The following PTPRG variants were observed in gnomAD, a reference collection of about 807,000 sequenced individuals.
PTPRG encodes the protein receptor-type tyrosine-protein phosphatase gamma.
Under a neutral mutation model 165.3 loss-of-function variants are expected in PTPRG, and 102 were observed. The observed-to-expected ratio is 0.62, with a 90% confidence interval of 0.53 to 0.73. PTPRG has a LOEUF of 0.73. Among genes scored for constraint, PTPRG ranks in the 30% least tolerant of loss-of-function variants. The pLI, the probability that PTPRG is intolerant of heterozygous loss-of-function variation, is 0.00. For synonymous variants in PTPRG, 675 were observed against 669.5 expected (o/e 1.01, Z -0.13); for missense variants, 1,866 against 1,861.4 (o/e 1.00, Z -0.05).
intron 5 of PTPRG, among the ~76,000 whole-genome samples, chr3:62,113,197 C>A (rs1702731399): frequency 6.6e-6 from 1 of 152,108 alleles, no homozygotes; most frequent in Non-Finnish European, 1.5e-5. Context: ...CCATCCAGCT[C>A]CACATGGGAG....
In PTPRG at chr3:61,704,829, G is replaced by A. The variant is rs943112790; in HGVS notation, c.86-44049G>A. The stretch of plus-strand genomic sequence containing the variant: ...ATACTTTCTGAGATGAACTGCATTT[G>A]TTCAGATAGGATTAATAGCCACCAC... On this transcript the variant is annotated intron_variant, in intron 1 of 29. Transcript: ENST00000474889. Among the ~76,000 whole-genome samples, 7 of 152,336 alleles carry A rather than the reference G, an allele frequency of 4.6e-5. 1 individual carries two copies. The South Asian group carries it at 1.5e-3, about 32-fold the overall frequency.
chr3:61,946,424 C>CT (rs1420204382), intron 2 of PTPRG, among the ~76,000 whole-genome samples: 1 of 152,218 alleles, frequency 6.6e-6, no homozygotes, highest in Non-Finnish European at 1.5e-5. Flanking sequence ...TTAGAAATGA[C>CT]TTCATAAAGA....
intron 1 of PTPRG, among the ~76,000 whole-genome samples, chr3:61,681,724 A>G (rs1404610210): frequency 6.6e-6 from 1 of 152,210 alleles, no homozygotes; most frequent in Non-Finnish European, 1.5e-5. Context: ...AGCACCAAAT[A>G]AACAGTAGCC....
At chr3:62,089,670 T>C (rs1701866718) in intron 5 of PTPRG, among the ~76,000 whole-genome samples, 1 of 152,226 alleles carries the variant, frequency 6.6e-6, no homozygotes, top group African/African-American at 2.4e-5. Context: ...GCTATGAGCA[T>C]AGCTGTGCAT....
At chr3:62,193,640 C>T (rs567991728) in intron 9 of PTPRG, among the ~76,000 whole-genome samples, 8 of 152,300 alleles carry the variant, frequency 5.3e-5, no homozygotes, top group East Asian at 3.9e-4. Flanking sequence ...TGTTATTGCC[C>T]GCCTTTTCCA....
chr3:61,897,418 G>C (rs1229631055), intron 2 of PTPRG, among the ~76,000 whole-genome samples: 3 of 151,934 alleles, frequency 2.0e-5, no homozygotes, highest in Non-Finnish European at 4.4e-5. Context: ...GTCTATTTCT[G>C]GGTTCTCTCT....
At chr3:62,044,634 C>T (rs575520821) in intron 4 of PTPRG, among the ~76,000 whole-genome samples, 2 of 152,170 alleles carry the variant, frequency 1.3e-5, no homozygotes, top group Admixed American at 6.5e-5. Context: ...TTAATACACA[C>T]AGTAACTACT....
chr3:61,742,960 G>A (rs3817453), intron 1 of PTPRG: 1,123,498 of 1,481,960 alleles, frequency 0.76, 427,261 homozygotes, highest in Middle Eastern at 0.79. Context: ...GACGGTGCCC[G>A]AGAAGCACTT....
chr3:61,794,577 G>A (rs1032536147), intron 2 of PTPRG, among the ~76,000 whole-genome samples: 2 of 152,152 alleles, frequency 1.3e-5, no homozygotes, highest in Admixed American at 1.3e-4. Flanking sequence ...AATATAAGAC[G>A]TCAGTGATAG....
intron 2 of PTPRG, among the ~76,000 whole-genome samples, chr3:61,869,747 TTTTTGTTTTG>T (rs552364668): frequency 2.0e-3 from 296 of 151,292 alleles, no homozygotes; most frequent in South Asian, 8.6e-3. Flanking sequence ...CCTGGCTAAT[TTTTTGTTTTG>T]TTTTGTTTTG....
intron 1 of PTPRG, among the ~76,000 whole-genome samples, chr3:61,582,079 C>T (rs1376265835): frequency 1.3e-5 from 2 of 152,176 alleles, no homozygotes; most frequent in Middle Eastern, 3.4e-3. Context: ...GCCATCCTCC[C>T]ATCTCAGCCT....
At position 62,003,449 on chromosome 3, in the gene PTPRG, C is replaced by G; in HGVS notation, c.471C>G (p.Gly157=). 6.2e-7 allele frequency: 1 copy of G among 1,614,006 alleles called. No homozygotes were observed. Among genetic ancestry groups the G allele is most frequent in the Non-Finnish European group, 8.5e-7 (1 of 1,179,950 alleles). Reference sequence around the variant, plus strand: ...AATTTCACTGGGGCCACAGCAATGGCTCAGCGGGCTCTGAACACAGCATCA... The same window carrying G: ...AATTTCACTGGGGCCACAGCAATGGGTCAGCGGGCTCTGAACACAGCATCA... ...KVEFHWGHSN[G]SAGSEHSING... The change falls in exon 4 of 30, where the codon GGC becomes GGG. Residue 157 remains glycine (G), a synonymous_variant. Transcript: ENST00000474889.
In PTPRG at chr3:61,829,131, A is replaced by G. The variant is rs118115602; in HGVS notation, c.190+80149A>G. Among the ~76,000 whole-genome samples, 19 of 152,338 alleles carry G rather than the reference A, an allele frequency of 1.2e-4. No individual in the cohort carries two copies. The East Asian group carries it at 3.7e-3, about 29-fold the overall frequency. Reference sequence around the variant, plus strand: ...ACTTACTTGGCATGGGATATGAAGGAAGATACTCAGTATTTGTTCCGACTC... The same window carrying G: ...ACTTACTTGGCATGGGATATGAAGGGAGATACTCAGTATTTGTTCCGACTC... On this transcript the variant is annotated intron_variant, in intron 2 of 29. Coordinates refer to ENST00000474889, the MANE Select transcript of PTPRG (RefSeq NM_002841.4).
intron 1 of PTPRG, among the ~76,000 whole-genome samples, chr3:61,685,337 G>A (rs1268488370): frequency 6.6e-6 from 1 of 152,216 alleles, no homozygotes; most frequent in Non-Finnish European, 1.5e-5. Context: ...GACCAGGGAG[G>A]AGAAGAGGGT....
chr3:61,913,960 A>G (rs577773680), intron 2 of PTPRG, among the ~76,000 whole-genome samples: 75 of 152,332 alleles, frequency 4.9e-4, no homozygotes, highest in Non-Finnish European at 8.2e-4. Flanking sequence ...GTCCAAATTT[A>G]CTAAAGAATC....
At chr3:61,675,494 G>A (rs563606334) in intron 1 of PTPRG, among the ~76,000 whole-genome samples, 16 of 152,190 alleles carry the variant, frequency 1.1e-4, no homozygotes, top group Non-Finnish European at 1.8e-4. Flanking sequence ...ACTGAGTCCC[G>A]TATTTTTCTC....
intron 2 of PTPRG, among the ~76,000 whole-genome samples, chr3:61,849,899 T>A (rs1466051828): frequency 6.6e-6 from 1 of 152,182 alleles, no homozygotes; most frequent in African/African-American, 2.4e-5. Flanking sequence ...TAAGAGGAGT[T>A]GGACTAAATT....
chr3:61,686,479 A>G (rs1486800836), intron 1 of PTPRG, among the ~76,000 whole-genome samples: 1 of 152,202 alleles, frequency 6.6e-6, no homozygotes, highest in Non-Finnish European at 1.5e-5. Context: ...TGTGAAGGCG[A>G]CTGGGCCATG....
intron 1 of PTPRG, among the ~76,000 whole-genome samples, chr3:61,675,806 T>A (rs1202189023): frequency 6.6e-6 from 1 of 152,198 alleles, no homozygotes; most frequent in African/African-American, 2.4e-5. Context: ...GCATACATTT[T>A]GAATTATCTT....
Sources: gnomAD v4.1 joint callset for allele counts (sites outside exome capture counted in the v4.1 genomes callset) on GRCh38, gnomAD v4.1.1 for gene constraint, MANE v1.5 for transcripts, NCBI Gene and HGNC (gene_info 2026-07-23, HGNC 2026-07-21) for gene names.